CADM2: variants seen among roughly 807,000 people sequenced by gnomAD.
CADM2 encodes the protein cell adhesion molecule 2, also known as immunoglobulin superfamily member 4D.
Under a neutral mutation model 49.8 loss-of-function variants are expected in CADM2, and 12 were observed. The ratio of observed to expected loss-of-function variants is 0.24; its 90% CI spans 0.15 to 0.39. The LOEUF (loss-of-function observed/expected upper bound fraction) is 0.39. Among genes scored for constraint, CADM2 ranks in the 10% least tolerant of loss-of-function variants. CADM2 has a pLI of 1.00. For synonymous variants in CADM2, 214 were observed against 175.4 expected, an observed-to-expected ratio of 1.22 and a Z score of -1.74; for missense variants, 378 against 492.3, an observed-to-expected ratio of 0.77 and a Z score of 2.20.
intron 1 of CADM2, among the ~76,000 whole-genome samples, chr3:85,284,187 G>A (rs770598263): frequency 2.6e-5 from 4 of 152,104 alleles, no homozygotes; most frequent in Non-Finnish European, 5.9e-5. Context: ...TTTGAATTGT[G>A]TTGTCCTTTG....
chr3:85,834,379 C>T (rs1265045171), intron 3 of CADM2, among the ~76,000 whole-genome samples: 3 of 151,328 alleles, frequency 2.0e-5, no homozygotes, highest in Non-Finnish European at 4.4e-5. Context: ...AACTACATGG[C>T]CTTAAGAAAA....
At chr3:85,195,456 T>C (rs2041319631) in intron 1 of CADM2, among the ~76,000 whole-genome samples, 1 of 151,920 alleles carries the variant, frequency 6.6e-6, no homozygotes, top group African/African-American at 2.4e-5. Context: ...ATGTAAGCTA[T>C]GACCTCACCT....
chr3:85,985,003 T>C (rs1243990404), intron 8 of CADM2, among the ~76,000 whole-genome samples: 1 of 152,004 alleles, frequency 6.6e-6, no homozygotes, highest in African/African-American at 2.4e-5. Context: ...TATCTAGAAC[T>C]AGAGTTATAT....
intron 1 of CADM2, among the ~76,000 whole-genome samples, chr3:85,557,508 T>C (rs988621586): frequency 6.6e-6 from 1 of 151,694 alleles, no homozygotes; most frequent in Non-Finnish European, 1.5e-5. Context: ...AAAGATAATA[T>C]GTATTTTACT....
At chr3:85,573,054 A>C (rs2062524664) in intron 1 of CADM2, among the ~76,000 whole-genome samples, 1 of 152,164 alleles carries the variant, frequency 6.6e-6, no homozygotes, top group Non-Finnish European at 1.5e-5. Context: ...TTTAACAGAA[A>C]ATATCTTATT....
intron 1 of CADM2, 26 bp from the exon 2 acceptor site, chr3:85,726,496 C>T (rs1287207656): frequency 1.9e-6 from 3 of 1,611,666 alleles, no homozygotes; most frequent in East Asian, 4.5e-5. Context: ...TTGTTCTCTT[C>T]TTGTGCAACC....
intron 2 of CADM2, among the ~76,000 whole-genome samples, chr3:85,744,501 C>A (rs954373596): frequency 3.3e-5 from 5 of 150,256 alleles, no homozygotes; most frequent in Non-Finnish European, 5.9e-5. Flanking sequence ...TGCCATGTAC[C>A]CACAAAAAAT....
intron 1 of CADM2, among the ~76,000 whole-genome samples, chr3:85,321,736 G>A (rs1202814942): frequency 2.0e-5 from 3 of 152,032 alleles, no homozygotes; most frequent in Admixed American, 6.6e-5. Context: ...AAAGAATGTT[G>A]TTTTCATAAT....
intron 1 of CADM2, among the ~76,000 whole-genome samples, chr3:85,411,122 G>T (rs1007640913): frequency 1.3e-5 from 2 of 152,322 alleles, no homozygotes; most frequent in Admixed American, 1.3e-4. Context: ...TATAGAGTTT[G>T]ACGTGGTACG....
intron 1 of CADM2, among the ~76,000 whole-genome samples, chr3:85,030,232 C>A (rs956221077): frequency 6.6e-6 from 1 of 152,180 alleles, no homozygotes. Context: ...CTATTCTAGT[C>A]ACACAACCTT....
chr3:85,044,056 C>G (rs1559632170), intron 1 of CADM2, among the ~76,000 whole-genome samples: 1 of 152,082 alleles, frequency 6.6e-6, no homozygotes, highest in Non-Finnish European at 1.5e-5. Context: ...CTTCAGAATC[C>G]TTGTGACCTA....
At chr3:85,672,813 C>T (rs889290015) in intron 1 of CADM2, among the ~76,000 whole-genome samples, 4 of 152,082 alleles carry the variant, frequency 2.6e-5, no homozygotes, top group Admixed American at 6.6e-5. Context: ...ATCTTAGTGT[C>T]GGGCTATTTA....
At chr3:85,612,661 A>G (rs1248131354) in intron 1 of CADM2, among the ~76,000 whole-genome samples, 1 of 151,820 alleles carries the variant, frequency 6.6e-6, no homozygotes, top group Non-Finnish European at 1.5e-5. Context: ...TTTGAAAAAA[A>G]GCTTAAAAAG....
intron 8 of CADM2, chr3:86,028,054 G>A (rs1014340098): frequency 2.5e-5 from 3 of 118,484 alleles, no homozygotes; most frequent in African/African-American, 6.3e-5. Context: ...CCTGTTGTGG[G>A]GTGGGGGGAG....
chr3:84,975,967 A>G (rs1401183412), intron 1 of CADM2, among the ~76,000 whole-genome samples: 2 of 151,908 alleles, frequency 1.3e-5, no homozygotes, highest in African/African-American at 2.4e-5. Context: ...TTGTTTATTC[A>G]CAAGGATGCC....
At chr3:84,965,687 T>C (rs1278920283) in intron 1 of CADM2, among the ~76,000 whole-genome samples, 1 of 152,176 alleles carries the variant, frequency 6.6e-6, no homozygotes, top group Non-Finnish European at 1.5e-5. Context: ...TTAATAACTG[T>C]TGGGCTGGGA....
At chr3:85,629,703 A>C (rs2107517608) in intron 1 of CADM2, among the ~76,000 whole-genome samples, 1 of 152,088 alleles carries the variant, frequency 6.6e-6, no homozygotes, top group East Asian at 1.9e-4. Context: ...TTCTCAAGGT[A>C]ATCTTTTAGA....
At chr3:85,446,581 T>C (rs1171844197) in intron 1 of CADM2, among the ~76,000 whole-genome samples, 1 of 150,060 alleles carries the variant, frequency 6.7e-6, no homozygotes, top group African/African-American at 2.4e-5. Context: ...TAAAAGTGTG[T>C]GTGTGAGTTT....
chr3:85,610,077 T>C (rs2063638003), intron 1 of CADM2, among the ~76,000 whole-genome samples: 1 of 151,996 alleles, frequency 6.6e-6, no homozygotes, highest in South Asian at 2.1e-4. Context: ...TATATTTTAT[T>C]TGGAAATTAT....
Sources: allele counts gnomAD v4.1 joint callset (sites outside exome capture counted in the v4.1 genomes callset), GRCh38; gene constraint gnomAD v4.1.1; transcripts MANE v1.5; gene names NCBI Gene and HGNC (gene_info 2026-07-23, HGNC 2026-07-21).